Variants in NAALADL2 observed in about 807,000 individuals in gnomAD.
The protein encoded by NAALADL2 is N-acetylated alpha-linked acidic dipeptidase like 2, also known as inactive N-acetylated-alpha-linked acidic dipeptidase-like protein 2.
A neutral mutation model predicts 87.2 loss-of-function variants in NAALADL2; 76 were observed. The observed-to-expected ratio is 0.87, with a 90% CI of 0.72 to 1.05. The LOEUF (loss-of-function observed/expected upper bound fraction) is 1.05, where lower values mean the gene tolerates loss of function less well. Ranked by LOEUF, NAALADL2 falls within the 50% of genes least tolerant of loss-of-function variation. The probability of loss-of-function intolerance (pLI) is 0.00; values close to 1 mark genes in which losing one functional copy is unlikely to be tolerated. For missense variants in NAALADL2, 1,089 were observed against 945.8 expected, an observed-to-expected ratio of 1.15 and a Z score of -1.99; for synonymous variants, 354 against 331.0, an observed-to-expected ratio of 1.07 and a Z score of -0.75.
intron 5 of NAALADL2, among the ~76,000 whole-genome samples, chr3:175,328,603 C>G (rs1761030644): frequency 6.6e-6 from 1 of 152,082 alleles, no homozygotes; most frequent in African/African-American, 2.4e-5. Context: ...CCATATATTT[C>G]TGGAATTCTA....
chr3:175,124,160 C>T (rs1050845994), intron 2 of NAALADL2, among the ~76,000 whole-genome samples: 17 of 151,858 alleles, frequency 1.1e-4, no homozygotes, highest in Admixed American at 4.6e-4. Flanking sequence ...TGCCGCTTTT[C>T]GTGAGAATAC....
chr3:175,708,002 G>A (rs996269735), intron 11 of NAALADL2, among the ~76,000 whole-genome samples: 1 of 151,696 alleles, frequency 6.6e-6, no homozygotes, highest in Non-Finnish European at 1.5e-5. Flanking sequence ...GAAGACATGG[G>A]GGAAAAAAAA....
intron 1 of NAALADL2, among the ~76,000 whole-genome samples, chr3:174,957,415 G>A (rs1262929982): frequency 2.6e-5 from 4 of 151,986 alleles, no homozygotes; most frequent in East Asian, 1.9e-4. Context: ...TATCATTTGT[G>A]AGATATGAGA....
At chr3:174,673,506 G>A (rs1170013398) in intron 2 of NAALADL2, among the ~76,000 whole-genome samples, 1 of 151,974 alleles carries the variant, frequency 6.6e-6, no homozygotes, top group African/African-American at 2.4e-5. Flanking sequence ...AACATGGATG[G>A]AAATGCAGAT....
chr3:174,653,442 G>A (rs532820135), intron 2 of NAALADL2, among the ~76,000 whole-genome samples: 6 of 152,258 alleles, frequency 3.9e-5, no homozygotes, highest in African/African-American at 1.4e-4. Flanking sequence ...AGGCACTGGA[G>A]TGGAATAAAT....
At chr3:175,191,360 G>A (rs1738177630) in intron 2 of NAALADL2, among the ~76,000 whole-genome samples, 1 of 152,152 alleles carries the variant, frequency 6.6e-6, no homozygotes, top group Non-Finnish European at 1.5e-5. Flanking sequence ...GAAGTGTTGA[G>A]CCTTTATGGA....
At chr3:175,432,106 C>T (rs774435450) in intron 5 of NAALADL2, among the ~76,000 whole-genome samples, 3 of 152,008 alleles carry the variant, frequency 2.0e-5, no homozygotes, top group Non-Finnish European at 4.4e-5. Context: ...TCTGATCTCA[C>T]CTGCATAGCT....
rs546558440 is a variant in NAALADL2, at chr3:174,998,158, A to G, written c.44-98632A>G. On this transcript the variant is annotated intron_variant, in intron 1 of 13. Transcript: ENST00000454872. ...CTAACATTTATTTAGCACTACCTCTATGTTAGGCATTATGCTTTGTGCATT... is the reference window on the plus strand; with the variant it reads ...CTAACATTTATTTAGCACTACCTCTGTGTTAGGCATTATGCTTTGTGCATT... Among the ~76,000 whole-genome samples the G allele has an allele frequency of 2.6e-5, 4 of 152,272 alleles. No individual in the cohort carries two copies. The East Asian group carries it at 5.8e-4, about 22-fold the overall frequency.
chr3:174,588,851 C>G lies in NAALADL2; in HGVS notation c.-115+38214C>G, dbSNP rs1717030715. On this transcript the variant is annotated intron_variant, in intron 2 of 3. Transcript: ENST00000434257. ...GGACCCACTTGAGGAGGCAGTCTGT[C>G]TGTTCTCAGATCTCAAACTCCATGC... Among the ~76,000 whole-genome samples the G allele has an allele frequency of 2.0e-5, 3 of 152,188 alleles. No individual in the cohort carries two copies. The South Asian group carries it at 6.2e-4, about 31-fold the overall frequency.
intron 1 of NAALADL2, among the ~76,000 whole-genome samples, chr3:174,534,446 C>T (rs1721531849): frequency 6.6e-6 from 1 of 152,158 alleles, no homozygotes; most frequent in African/African-American, 2.4e-5. Context: ...AGCTGAATGA[C>T]ATTATCACAG....
intron 2 of NAALADL2, among the ~76,000 whole-genome samples, chr3:175,166,647 AG>A (rs959619773): frequency 2.0e-5 from 3 of 151,966 alleles, no homozygotes; most frequent in African/African-American, 7.2e-5. Flanking sequence ...GGAACCTAAA[AG>A]GCCCTCTCTC....
intron 13 of NAALADL2, among the ~76,000 whole-genome samples, chr3:175,777,648 TA>T (rs1750431868): frequency 6.6e-6 from 1 of 152,176 alleles, no homozygotes; most frequent in South Asian, 2.1e-4. Flanking sequence ...AGTGCTATGA[TA>T]AAACCATCAG....
intron 1 of NAALADL2, among the ~76,000 whole-genome samples, chr3:174,997,674 G>T (rs1380323290): frequency 6.6e-6 from 1 of 151,952 alleles, no homozygotes; most frequent in Non-Finnish European, 1.5e-5. Context: ...AAATTAGCTG[G>T]GTGTGGTGGT....
At chr3:174,559,259 G>A (rs1407762671) in intron 2 of NAALADL2, among the ~76,000 whole-genome samples, 1 of 152,092 alleles carries the variant, frequency 6.6e-6, no homozygotes, top group African/African-American at 2.4e-5. Context: ...ACAAACAGAA[G>A]CCATACCTTG....
chr3:175,701,271 T>G (rs965681332), intron 11 of NAALADL2, among the ~76,000 whole-genome samples: 1 of 152,158 alleles, frequency 6.6e-6, no homozygotes, highest in Admixed American at 6.6e-5. Flanking sequence ...GTTGGTCTTG[T>G]GTAGAAAGTG....
intron 13 of NAALADL2, among the ~76,000 whole-genome samples, chr3:175,763,971 G>A (rs542693124): frequency 6.6e-6 from 1 of 152,130 alleles, no homozygotes; most frequent in South Asian, 2.1e-4. Flanking sequence ...GATTTGAAAG[G>A]CATGAGAAAT....
intron 9 of NAALADL2, among the ~76,000 whole-genome samples, chr3:175,545,148 C>A (rs574432306): frequency 1.3e-5 from 2 of 152,080 alleles, no homozygotes; most frequent in Non-Finnish European, 2.9e-5. Flanking sequence ...GAAAAAGAAA[C>A]AAGATCAGAG....
intron 1 of NAALADL2, among the ~76,000 whole-genome samples, chr3:174,978,853 C>G (rs1336097270): frequency 2.0e-5 from 3 of 152,048 alleles, no homozygotes; most frequent in African/African-American, 7.2e-5. Flanking sequence ...TCCTTGGAGG[C>G]ACTTGTGTTT....
At chr3:174,637,388 T>G (rs1722751149) in intron 2 of NAALADL2, among the ~76,000 whole-genome samples, 1 of 152,112 alleles carries the variant, frequency 6.6e-6, no homozygotes, top group Non-Finnish European at 1.5e-5. Context: ...CTAAATATCC[T>G]CAATGAATAC....
Sources: allele counts gnomAD v4.1 joint callset (sites outside exome capture counted in the v4.1 genomes callset), GRCh38; gene constraint gnomAD v4.1.1; transcripts MANE v1.5; gene names NCBI Gene and HGNC (gene_info 2026-07-23, HGNC 2026-07-21).